Variants in SCGN observed in about 807,000 individuals in gnomAD.
SCGN encodes the protein secretagogin, EF-hand calcium binding protein.
In SCGN, 30 loss-of-function variants were observed where a neutral mutation model predicts 39.7. That is an observed-to-expected ratio of 0.76 (90% CI 0.57 to 1.03). The LOEUF (loss-of-function observed/expected upper bound fraction) is 1.03, where lower values mean the gene tolerates loss of function less well. Ranked by LOEUF, SCGN falls within the 50% of genes least tolerant of loss-of-function variation. The pLI is 0.00. For missense variants in SCGN, 353 were observed against 349.4 expected (o/e 1.01, Z -0.08); for synonymous variants, 106 against 114.1 (o/e 0.93, Z 0.45).
At position 25,689,160 on chromosome 6, in the gene SCGN, T is replaced by A. The variant is rs1323289556; in HGVS notation, c.528-12T>A. 1 of 1,572,224 alleles carries A rather than the reference T, an allele frequency of 6.4e-7. No homozygotes were observed. The highest frequency in any genetic ancestry group is 8.7e-7 in the Non-Finnish European group (1 of 1,155,890). On this transcript the variant is annotated splice_polypyrimidine_tract_variant and intron_variant, in intron 7 of 10. Coordinates refer to ENST00000377961, the MANE Select transcript of SCGN (RefSeq NM_006998.4). ...ACGATCCTTACGTGGATTTTTTTTT[T>A]TTTCTATTTAGGATTCTGGCTCTTC...
intron 6 of SCGN, 46 bp downstream of exon 6, chr6:25,670,122 C>A: frequency 7.6e-7 from 1 of 1,307,900 alleles, no homozygotes; most frequent in Non-Finnish European, 1.1e-6. Flanking sequence ...CTCCCCCACT[C>A]CCTCCCCAGA....
At chr6:25,662,604 C>A (rs977674971) in intron 3 of SCGN, among the ~76,000 whole-genome samples, 1 of 152,146 alleles carries the variant, frequency 6.6e-6, no homozygotes, top group African/African-American at 2.4e-5. Flanking sequence ...AGGATAATTT[C>A]TTCAGGAAGT....
intron 2 of SCGN, among the ~76,000 whole-genome samples, chr6:25,653,685 C>T (rs940870026): frequency 9.9e-5 from 15 of 152,196 alleles, no homozygotes; most frequent in Non-Finnish European, 1.9e-4. Context: ...CTGTCATCCA[C>T]TCAGAGATCC....
At chr6:25,663,775 G>A (rs983065699) in intron 3 of SCGN, among the ~76,000 whole-genome samples, 46 of 152,140 alleles carry the variant, frequency 3.0e-4, no homozygotes, top group African/African-American at 1.1e-3. Context: ...TAAATCAAAA[G>A]CACCTTGCTG....
At chr6:25,691,351 C>T (rs1759771783) in intron 10 of SCGN, among the ~76,000 whole-genome samples, 1 of 152,194 alleles carries the variant, frequency 6.6e-6, no homozygotes, top group Admixed American at 6.5e-5. Flanking sequence ...TTTTTACCAT[C>T]ATTTAAAGGC....
intron 4 of SCGN, among the ~76,000 whole-genome samples, chr6:25,665,868 A>G (rs1424346696): frequency 3.3e-5 from 5 of 152,250 alleles, no homozygotes; most frequent in African/African-American, 1.2e-4. Context: ...AAAGATTTTA[A>G]GAAAATCCAC....
chr6:25,657,539 T>C lies in SCGN; in HGVS notation c.154-4013T>C, dbSNP rs945863659. The stretch of plus-strand genomic sequence containing the variant: ...GCTGACGCAATATCTTCTTGGGTCC[T>C]TAGTTTTCCCAGTGTTTATTCTATG... On this transcript the variant is annotated intron_variant, in intron 2 of 10. Transcript: ENST00000377961. 1.3e-5 allele frequency among the ~76,000 whole-genome samples: 2 copies of C among 152,030 alleles called. 1 individual carries two copies. The highest frequency in any genetic ancestry group is 4.8e-5 in the African/African-American group (2 of 41,396).
At chr6:25,682,147 T>C in intron 7 of SCGN, 141 bp downstream of exon 7, 1 of 637,362 alleles carries the variant, frequency 1.6e-6, no homozygotes, top group Admixed American at 2.8e-5. Context: ...ATAAGCTGAG[T>C]GATTCTAAAT....
chr6:25,683,870 G>A (rs551122604), intron 7 of SCGN, among the ~76,000 whole-genome samples: 1 of 152,312 alleles, frequency 6.6e-6, no homozygotes, highest in South Asian at 2.1e-4. Context: ...ATTTATGTAA[G>A]TAGTAAATTA....
rs377062974 is a variant in SCGN, at chr6:25,673,369, A to G, written c.471+3293A>G. On this transcript the variant is annotated intron_variant, in intron 6 of 10. Coordinates refer to ENST00000377961, the MANE Select transcript of SCGN (RefSeq NM_006998.4). ...GGGTGCAGTATGTGGCTGGAAAAAG[A>G]TGATGCACATCACACATCAGGCCAG... Among the ~76,000 whole-genome samples, 24 of 152,312 alleles carry G rather than the reference A, an allele frequency of 1.6e-4. No homozygotes were observed. In the East Asian group the frequency reaches 4.2e-3, roughly 27 times the overall value.
intron 3 of SCGN, among the ~76,000 whole-genome samples, chr6:25,663,516 C>A (rs1180961861): frequency 6.6e-6 from 1 of 152,178 alleles, no homozygotes; most frequent in Non-Finnish European, 1.5e-5. Flanking sequence ...TAAATACTGG[C>A]TCATCTTACT....
intron 2 of SCGN, among the ~76,000 whole-genome samples, chr6:25,658,511 T>C (rs1021151994): frequency 3.3e-5 from 5 of 152,200 alleles, no homozygotes; most frequent in Admixed American, 6.5e-5. Flanking sequence ...GACCTTGATA[T>C]GGCTAGGATG....
chr6:25,653,338 T>TA (rs34327841), intron 1 of SCGN, 44 bp from the exon 2 acceptor site: 343,305 of 1,284,250 alleles, frequency 0.27, 46,558 homozygotes, highest in African/African-American at 0.3. Flanking sequence ...TGTCATGTGT[T>TA]TTTTATATGT....
At chr6:25,696,726 A>G (rs1415395463) in intron 10 of SCGN, among the ~76,000 whole-genome samples, 1 of 152,112 alleles carries the variant, frequency 6.6e-6, no homozygotes, top group African/African-American at 2.4e-5. Context: ...CCTTTCCTCA[A>G]ACCTGACTTT....
At chr6:25,682,506 A>C (rs9467562) in intron 7 of SCGN, among the ~76,000 whole-genome samples, 2,013 of 152,290 alleles carry the variant, frequency 0.013, 31 homozygotes, top group African/African-American at 0.036. Context: ...GTGTCCATGA[A>C]AATGTTGTCT....
At chr6:25,691,170 T>A (rs1468934868) in intron 10 of SCGN, 46 bp downstream of exon 10, 1 of 1,376,068 alleles carries the variant, frequency 7.3e-7, no homozygotes, top group Non-Finnish European at 1.0e-6. Flanking sequence ...GTTGTTTTGA[T>A]TTATTCCATT....
chr6:25,682,280 G>A (rs187539849), intron 7 of SCGN, among the ~76,000 whole-genome samples: 9 of 152,296 alleles, frequency 5.9e-5, no homozygotes, highest in Admixed American at 5.9e-4. Flanking sequence ...TTAAAGGCAA[G>A]ACATTTATAG....
In SCGN at chr6:25,668,396, C is replaced by T. The variant is rs116299727; in HGVS notation, c.337-1115C>T. Among the ~76,000 whole-genome samples, 1,109 of 152,252 alleles carry T rather than the reference C, an allele frequency of 7.3e-3. 12 individuals are homozygous for T. Among genetic ancestry groups the T allele is most frequent in the African/African-American group, 0.021 (861 of 41,532 alleles). Reference sequence around the variant, plus strand: ...AGCTGTTCTGTGTTCTGGTTCGTAACTGCTTCTTCAGCTGGATGAATGCTG... The same window carrying T: ...AGCTGTTCTGTGTTCTGGTTCGTAATTGCTTCTTCAGCTGGATGAATGCTG... On this transcript the variant is annotated intron_variant, in intron 4 of 10. Coordinates refer to ENST00000377961, the MANE Select transcript of SCGN (RefSeq NM_006998.4).
At chr6:25,694,664 A>G (rs1178846920) in intron 10 of SCGN, among the ~76,000 whole-genome samples, 1 of 152,240 alleles carries the variant, frequency 6.6e-6, no homozygotes, top group Non-Finnish European at 1.5e-5. Context: ...TGTACACAGT[A>G]GTTCATTATT....
Sources: gnomAD v4.1 joint callset for allele counts (sites outside exome capture counted in the v4.1 genomes callset) on GRCh38, gnomAD v4.1.1 for gene constraint, MANE v1.5 for transcripts, NCBI Gene and HGNC (gene_info 2026-07-23, HGNC 2026-07-21) for gene names.